The following ILRUN variants were observed in gnomAD, a reference collection of about 807,000 sequenced individuals.
ILRUN encodes protein ILRUN.
In ILRUN, 3 loss-of-function variants were observed where a neutral mutation model predicts 33.8. The ratio of observed to expected loss-of-function variants is 0.09; its 90% CI spans 0.04 to 0.23. The LOEUF (loss-of-function observed/expected upper bound fraction) is 0.23. ILRUN is among the 10% of genes least tolerant of loss of function. ILRUN has a pLI of 1.00. For synonymous variants in ILRUN, 124 were observed against 138.9 expected (o/e 0.89, Z 0.75); for missense variants, 210 against 375.1 (o/e 0.56, Z 3.64).
At chr6:34,654,601 G>A in intron 2 of ILRUN, 24 bp downstream of exon 2, 1 of 1,581,472 alleles carries the variant, frequency 6.3e-7, no homozygotes, top group Non-Finnish European at 8.6e-7. Flanking sequence ...CTAGGCAAGG[G>A]AGGATTGCCC....
At chr6:34,640,245 A>G (rs1399412568) in intron 3 of ILRUN, among the ~76,000 whole-genome samples, 2 of 152,066 alleles carry the variant, frequency 1.3e-5, no homozygotes, top group Non-Finnish European at 2.9e-5. Context: ...CACAGTGAAG[A>G]AGTGTCCACA....
At chr6:34,637,567 G>T (rs1406230110) in intron 3 of ILRUN, among the ~76,000 whole-genome samples, 6 of 152,134 alleles carry the variant, frequency 3.9e-5, no homozygotes, top group Non-Finnish European at 8.8e-5. Flanking sequence ...ACATGTGTAT[G>T]GTAAGTTGAG....
intron 4 of ILRUN, among the ~76,000 whole-genome samples, chr6:34,604,814 G>C (rs879328548): frequency 2.6e-5 from 4 of 152,156 alleles, no homozygotes; most frequent in Non-Finnish European, 4.4e-5. Flanking sequence ...CCTTTGTAAT[G>C]AACATCTAAT....
At chr6:34,616,967 G>A (rs1761904164) in intron 3 of ILRUN, 7 of 558,910 alleles carry the variant, frequency 1.3e-5, no homozygotes, top group South Asian at 8.5e-5. Flanking sequence ...GTCAGTAAAT[G>A]AACTAATCTA....
intron 3 of ILRUN, among the ~76,000 whole-genome samples, chr6:34,640,229 GCCCCACACAGTGAAGAAGTGTCCACACCA>G (rs1261715210): frequency 6.6e-6 from 1 of 151,942 alleles, no homozygotes; most frequent in Non-Finnish European, 1.5e-5. Context: ...CTTGTAATAT[GCCCCACACAGTGAAGAAGTGTCCACACCA>G]CATGCCGAAA....
rs13197081 is a variant in ILRUN at position 34,636,166 on chromosome 6, T to C, written c.511+10435A>G. 6.7e-3 allele frequency among the ~76,000 whole-genome samples: 1,014 copies of C among 152,216 alleles called. 4 individuals are homozygous for C. Among genetic ancestry groups the C allele is most frequent in the South Asian group, 0.017 (80 of 4,824 alleles). On this transcript the variant is annotated intron_variant, in intron 3 of 4. Transcript: ENST00000374023. Reference sequence around the variant, plus strand: ...GTGAGACTGAGGTGGGAGGACTGCTTGAGCCCAAGAGTTCAAGGCTACAGT... The same window carrying C: ...GTGAGACTGAGGTGGGAGGACTGCTCGAGCCCAAGAGTTCAAGGCTACAGT...
intron 1 of ILRUN, among the ~76,000 whole-genome samples, chr6:34,658,508 T>TA (rs1762823004): frequency 6.7e-6 from 1 of 150,012 alleles, no homozygotes; most frequent in African/African-American, 2.4e-5. Context: ...TTTTTTTTTT[T>TA]AAGAGTATGG....
At chr6:34,644,833 A>C (rs1482605575) in intron 3 of ILRUN, among the ~76,000 whole-genome samples, 1 of 152,100 alleles carries the variant, frequency 6.6e-6, no homozygotes, top group Admixed American at 6.5e-5. Context: ...AGTTTGGTGA[A>C]ATAAAAGGAT....
intron 4 of ILRUN, among the ~76,000 whole-genome samples, chr6:34,600,748 A>G (rs1290123474): frequency 6.6e-6 from 1 of 152,200 alleles, no homozygotes; most frequent in Non-Finnish European, 1.5e-5. Context: ...TAATAGTAGA[A>G]AAGTCACATA....
Position 34,696,683 on chromosome 6 carries a change from G to C in ILRUN, c.-80C>G. 2 of 1,500,706 alleles carry C rather than the reference G, an allele frequency of 1.3e-6. No homozygotes were observed. Among genetic ancestry groups the C allele is most frequent in the East Asian group, 4.6e-5 (2 of 43,650 alleles). The allele number at this position is 1,500,706 out of a possible 1,614,324, so 93.0% of individuals were successfully genotyped here. A position where few individuals can be genotyped will look rare whatever the true frequency, so the allele number is the denominator to read the frequency against. On this transcript the variant is annotated 5_prime_UTR_variant, in exon 1 of 5. Transcript: ENST00000374023. Reference sequence around the variant, plus strand: ...CCGCCGGGCCCGGGGACCTGGAGGGGGGCCGCTGCTAGCTAGCTTCGCGAC... The same window carrying C: ...CCGCCGGGCCCGGGGACCTGGAGGGCGGCCGCTGCTAGCTAGCTTCGCGAC...
intron 1 of ILRUN, among the ~76,000 whole-genome samples, chr6:34,683,445 TATATATAC>T (rs1562032935): frequency 2.3e-4 from 25 of 108,446 alleles, no homozygotes; most frequent in African/African-American, 1.2e-3. Context: ...TATATACATA[TATATATAC>T]ATATATATAC....
chr6:34,668,891 T>C (rs1763056544), intron 1 of ILRUN, among the ~76,000 whole-genome samples: 1 of 150,474 alleles, frequency 6.6e-6, no homozygotes, highest in Non-Finnish European at 1.5e-5. Flanking sequence ...GTCGCCAGGC[T>C]GGAGTGCAAT....
chr6:34,610,392 G>A (rs1488476402), intron 3 of ILRUN, among the ~76,000 whole-genome samples: 1 of 152,098 alleles, frequency 6.6e-6, no homozygotes, highest in Non-Finnish European at 1.5e-5. Context: ...GCAGCCTGAG[G>A]GAGAATCATT....
At chr6:34,656,975 A>G (rs1762783641) in intron 1 of ILRUN, among the ~76,000 whole-genome samples, 1 of 152,230 alleles carries the variant, frequency 6.6e-6, no homozygotes, top group Non-Finnish European at 1.5e-5. Flanking sequence ...TTTCCTGTCT[A>G]GCTGACAGTG....
intron 3 of ILRUN, among the ~76,000 whole-genome samples, chr6:34,622,841 G>A (rs6939783): frequency 0.03 from 4,612 of 152,152 alleles, 182 homozygotes; most frequent in African/African-American, 0.088. Context: ...GCCAAAAGGC[G>A]GAAGTAACCC....
intron 3 of ILRUN, among the ~76,000 whole-genome samples, chr6:34,639,155 CAT>C (rs1359862131): frequency 2.0e-5 from 3 of 152,214 alleles, no homozygotes; most frequent in Non-Finnish European, 2.9e-5. Flanking sequence ...AGTTTCCTAA[CAT>C]GTGGGACATA....
intron 1 of ILRUN, among the ~76,000 whole-genome samples, chr6:34,689,477 A>G (rs1378335835): frequency 6.6e-6 from 1 of 152,232 alleles, no homozygotes; most frequent in Admixed American, 6.5e-5. Context: ...AATAGAGTAC[A>G]TAATACTCTA....
intron 1 of ILRUN, among the ~76,000 whole-genome samples, chr6:34,659,208 G>A (rs550414566): frequency 6.6e-6 from 1 of 152,356 alleles, no homozygotes; most frequent in African/African-American, 2.4e-5. Context: ...TGCTTAGGGT[G>A]AAAGATGGGC....
At chr6:34,672,273 T>C (rs375645420) in intron 1 of ILRUN, among the ~76,000 whole-genome samples, 9 of 152,244 alleles carry the variant, frequency 5.9e-5, no homozygotes, top group South Asian at 2.1e-4. Context: ...TTTGTAATTT[T>C]AGTAGAGATG....
Sources: allele counts gnomAD v4.1 joint callset (sites outside exome capture counted in the v4.1 genomes callset), GRCh38; gene constraint gnomAD v4.1.1; transcripts MANE v1.5; gene names NCBI Gene and HGNC (gene_info 2026-07-23, HGNC 2026-07-21).